The following PAM variants were observed in gnomAD, a reference collection of about 807,000 sequenced individuals.
PAM encodes the protein peptidylglycine alpha-amidating monooxygenase.
Under a neutral mutation model 122.1 loss-of-function variants are expected in PAM, and 72 were observed. The observed-to-expected ratio is 0.59, with a 90% CI of 0.49 to 0.72. PAM has a LOEUF of 0.72. Among genes scored for constraint, PAM ranks in the 30% least tolerant of loss-of-function variants. PAM has a pLI of 0.00. For synonymous variants in PAM, 389 were observed against 404.4 expected (o/e 0.96, Z 0.46); for missense variants, 1,106 against 1,183.7 (o/e 0.93, Z 0.96).
intron 1 of PAM, among the ~76,000 whole-genome samples, chr5:102,772,697 T>G (rs958694541): frequency 4.6e-5 from 7 of 152,120 alleles, no homozygotes; most frequent in Non-Finnish European, 8.8e-5. Flanking sequence ...ATAAAACACA[T>G]TTACAAATTA....
At chr5:102,972,333 G>A (rs1766090808) in intron 14 of PAM, among the ~76,000 whole-genome samples, 1 of 152,108 alleles carries the variant, frequency 6.6e-6, no homozygotes. Flanking sequence ...TCAGGCTGGA[G>A]TACCGTGGCG....
intron 14 of PAM, among the ~76,000 whole-genome samples, chr5:102,969,606 TAGAG>T: frequency 1.3e-5 from 2 of 152,234 alleles, no homozygotes; most frequent in East Asian, 3.9e-4. Flanking sequence ...ATTCACTGGT[TAGAG>T]AGAGAAGAAC....
In PAM at chr5:102,755,336, C is replaced by G. The variant is rs1039695718; in HGVS notation, c.-386C>G. 1.2e-4 allele frequency: 18 copies of G among 152,296 alleles called. No homozygotes were observed. Among genetic ancestry groups the G allele is most frequent in the Non-Finnish European group, 2.6e-4 (18 of 68,226 alleles). 9.4% of individuals were successfully genotyped at this position (152,296 alleles called of 1,614,324 possible). On this transcript the variant is annotated 5_prime_UTR_variant, in exon 1 of 26. Coordinates refer to ENST00000438793, the MANE Select transcript of PAM (RefSeq NM_001177306.2). ...TCCGGCTTCCGTCCCGGACAGAGCCCGTGGTCGCGCAGGTTGGTGTTGTTG... is the reference window on the plus strand; with the variant it reads ...TCCGGCTTCCGTCCCGGACAGAGCCGGTGGTCGCGCAGGTTGGTGTTGTTG...
At chr5:102,790,691 T>G (rs1761825516) in intron 1 of PAM, among the ~76,000 whole-genome samples, 1 of 152,098 alleles carries the variant, frequency 6.6e-6, no homozygotes, top group Non-Finnish European at 1.5e-5. Flanking sequence ...ACTATTTTCA[T>G]TATTCTCAGC....
chr5:102,991,496 A>T (rs937413337), intron 16 of PAM, among the ~76,000 whole-genome samples: 2 of 152,138 alleles, frequency 1.3e-5, no homozygotes, highest in African/African-American at 4.8e-5. Context: ...GAGGATCTAC[A>T]TGTATAATTC....
intron 20 of PAM, among the ~76,000 whole-genome samples, 182 bp from the exon 21 acceptor site, chr5:103,009,569 C>A (rs1780018316): frequency 1.3e-5 from 2 of 152,144 alleles, no homozygotes; most frequent in African/African-American, 4.8e-5. Context: ...AGTCCTCTAA[C>A]CAGTTTGCCA....
At position 102,975,299 on chromosome 5, in the gene PAM, AT is replaced by A. The variant is rs1260435251; in HGVS notation, c.1483+865del. Among the ~76,000 whole-genome samples the A allele has an allele frequency of 2.0e-5, 3 of 152,186 alleles. No individual in the cohort carries two copies. The East Asian group carries it at 5.8e-4, about 29-fold the overall frequency. On this transcript the variant is annotated intron_variant, in intron 15 of 25. Coordinates refer to ENST00000438793, the MANE Select transcript of PAM (RefSeq NM_001177306.2). ...CAGGCTGCCAGCTTGATGTTTTCAAATTCAGCTTTGTAGGAGGCCATAAATT... is the reference window on the plus strand; with the variant it reads ...CAGGCTGCCAGCTTGATGTTTTCAAATCAGCTTTGTAGGAGGCCATAAATT...
rs373911391 is a variant in PAM, at chr5:102,990,245, C to T, written c.1484-27C>T. On this transcript the variant is annotated intron_variant, in intron 15 of 25. Transcript: ENST00000438793. ...GAGGCAATTCGACCTTTCCCTTTTACACTAAATGTGTGGATATATCTTTTA... is the reference window on the plus strand; with the variant it reads ...GAGGCAATTCGACCTTTCCCTTTTATACTAAATGTGTGGATATATCTTTTA... 2.3e-5 allele frequency: 35 copies of T among 1,499,236 alleles called. No homozygotes were observed. In the African/African-American group the frequency reaches 2.8e-4, roughly 12 times the overall value. The allele number at this position is 1,499,236 out of a possible 1,614,324, so 92.9% of individuals were successfully genotyped here.
intron 15 of PAM, among the ~76,000 whole-genome samples, chr5:102,988,705 G>A (rs796575967): frequency 7.2e-5 from 6 of 82,828 alleles, no homozygotes; most frequent in African/African-American, 2.1e-4. Context: ...GAAAGAGAAA[G>A]AGAAAGAAAG....
At chr5:102,793,502 C>T (rs1762584159) in intron 1 of PAM, among the ~76,000 whole-genome samples, 1 of 152,182 alleles carries the variant, frequency 6.6e-6, no homozygotes, top group Non-Finnish European at 1.5e-5. Flanking sequence ...TGCTCTCCAG[C>T]CTGGGTGACA....
At chr5:102,787,952 A>G (rs1760995239) in intron 1 of PAM, among the ~76,000 whole-genome samples, 1 of 152,126 alleles carries the variant, frequency 6.6e-6, no homozygotes, top group Non-Finnish European at 1.5e-5. Context: ...TTGGCAAAAT[A>G]GATCAATTTG....
intron 1 of PAM, among the ~76,000 whole-genome samples, chr5:102,857,269 C>T (rs986160091): frequency 1.3e-5 from 2 of 152,072 alleles, no homozygotes; most frequent in African/African-American, 2.4e-5. Context: ...TTGCTGGCCA[C>T]GTCAAAAAGG....
At chr5:102,881,391 A>G (rs907105113) in intron 3 of PAM, among the ~76,000 whole-genome samples, 1 of 152,072 alleles carries the variant, frequency 6.6e-6, no homozygotes, top group African/African-American at 2.4e-5. Flanking sequence ...TTACCCATTA[A>G]TTTTGCAAAA....
intron 3 of PAM, among the ~76,000 whole-genome samples, chr5:102,881,131 C>CACACACACACACACACAT (rs1554098711): frequency 1.4e-5 from 2 of 143,646 alleles, no homozygotes; most frequent in Admixed American, 6.8e-5. Context: ...TTTATACATA[C>CACACACACACACACACAT]ACACACACAC....
rs183973654 is a variant in PAM at position 102,933,233 on chromosome 5, G to C, written c.526+6565G>C. The stretch of plus-strand genomic sequence containing the variant: ...ATTTATGTGTTAGATACAGAATCTA[G>C]ATGAGTTTCATATTATCAGTTAGAT... On this transcript the variant is annotated intron_variant, in intron 7 of 25. Coordinates refer to ENST00000438793, the MANE Select transcript of PAM (RefSeq NM_001177306.2). Among the ~76,000 whole-genome samples the C allele has an allele frequency of 4.6e-5, 7 of 152,312 alleles. 1 individual carries two copies. The East Asian group carries it at 5.8e-4, about 13-fold the overall frequency.
intron 8 of PAM, among the ~76,000 whole-genome samples, chr5:102,947,883 C>G (rs2151953245): frequency 6.6e-6 from 1 of 152,104 alleles, no homozygotes; most frequent in South Asian, 2.1e-4. Flanking sequence ...ATTGTGGGGA[C>G]TGATTAAGTC....
rs370897543 is a variant in PAM, at chr5:102,825,913, G to T, written c.-373-39910G>T. On this transcript the variant is annotated intron_variant, in intron 1 of 25. Coordinates refer to ENST00000438793, the MANE Select transcript of PAM (RefSeq NM_001177306.2). ...AGTATTATGAGAAATAAATGAGATT[G>T]TTCATGAAACTGACTTGTGCTGTGT... is the stretch of plus-strand genomic sequence containing the variant. Among the ~76,000 whole-genome samples the T allele has an allele frequency of 4.6e-5, 7 of 152,264 alleles. No individual in the cohort carries two copies. The South Asian group carries it at 1.0e-3, about 23-fold the overall frequency.
chr5:102,865,887 A>C lies in PAM; in HGVS notation c.-309A>C, dbSNP rs1348234208. On this transcript the variant is annotated 5_prime_UTR_variant, in exon 2 of 26. Transcript: ENST00000438793. ...TCACAGCCCCTGTCATTCCGGAGTCATAAGGCACCCGCGCGTCTAGCCCCA... is the reference window on the plus strand; with the variant it reads ...TCACAGCCCCTGTCATTCCGGAGTCCTAAGGCACCCGCGCGTCTAGCCCCA... The C allele has an allele frequency of 9.1e-6, 3 of 330,180 alleles. No individual in the cohort carries two copies. The highest frequency in any genetic ancestry group is 1.6e-5 in the Non-Finnish European group (3 of 184,036). The allele number at this position is 330,180 out of a possible 1,614,324, so 20.5% of individuals were successfully genotyped here. A position where few individuals can be genotyped will look rare whatever the true frequency, so the allele number is the denominator to read the frequency against.
At chr5:102,911,933 A>G (rs1055562118) in intron 4 of PAM, among the ~76,000 whole-genome samples, 2 of 151,894 alleles carry the variant, frequency 1.3e-5, no homozygotes, top group Non-Finnish European at 2.9e-5. Context: ...CCTTTCTGGT[A>G]CTTTCATCCA....
Sources: allele counts gnomAD v4.1 joint callset (sites outside exome capture counted in the v4.1 genomes callset), GRCh38; gene constraint gnomAD v4.1.1; transcripts MANE v1.5; gene names NCBI Gene and HGNC (gene_info 2026-07-23, HGNC 2026-07-21).